CBR4: variants seen among roughly 807,000 people sequenced by gnomAD.
The protein encoded by CBR4 is carbonyl reductase 4, also known as 3-oxoacyl-[acyl-carrier-protein] reductase.
CBR4 carries 22 observed loss-of-function variants against 21.0 expected under a neutral mutation model. The observed-to-expected ratio is 1.05, with a 90% CI of 0.75 to 1.50. The LOEUF is 1.50. Ranked by LOEUF, CBR4 falls within the 40% of genes most tolerant of loss-of-function variation. The probability of loss-of-function intolerance (pLI) is 0.00; values close to 1 mark genes in which losing one functional copy is unlikely to be tolerated. For missense variants in CBR4, 302 were observed against 286.3 expected (o/e 1.05, Z -0.40); for synonymous variants, 100 against 104.4 (o/e 0.96, Z 0.26).
intron 4 of CBR4, among the ~76,000 whole-genome samples, chr4:169,001,016 G>A (rs748389722): frequency 2.6e-5 from 4 of 151,760 alleles, no homozygotes; most frequent in East Asian, 1.9e-4. Context: ...ACAGGGTCTC[G>A]CTCTGTCACC....
chr4:168,979,684 C>T (rs1412267818), intron 2 of CBR4, among the ~76,000 whole-genome samples: 2 of 152,104 alleles, frequency 1.3e-5, no homozygotes, highest in Non-Finnish European at 2.9e-5. Flanking sequence ...CCCTATGAGC[C>T]CCCACCGCCT....
intron 2 of CBR4, among the ~76,000 whole-genome samples, chr4:168,910,445 T>C (rs1758695264): frequency 6.6e-6 from 1 of 152,130 alleles, no homozygotes; most frequent in South Asian, 2.1e-4. Flanking sequence ...GCCAAAGGTA[T>C]TTTGTTTTTC....
chr4:168,928,000 CCATATATTT>C (rs1762771352), intron 2 of CBR4: 1 of 194,856 alleles, frequency 5.1e-6, no homozygotes, highest in Non-Finnish European at 1.1e-5. Context: ...GTGTACCACC[CCATATATTT>C]CATATTACTG....
At chr4:168,917,245 T>C (rs1270560419) in intron 2 of CBR4, among the ~76,000 whole-genome samples, 1 of 151,748 alleles carries the variant, frequency 6.6e-6, no homozygotes, top group Non-Finnish European at 1.5e-5. Flanking sequence ...AGACGGGGTT[T>C]CACCATATTG....
At chr4:168,975,223 G>A (rs543907757) in intron 2 of CBR4, among the ~76,000 whole-genome samples, 1 of 152,300 alleles carries the variant, frequency 6.6e-6, no homozygotes, top group South Asian at 2.1e-4. Context: ...GGCTGGCAAT[G>A]GGGAATGTCT....
chr4:168,984,096 T>C (rs1764616627), downstream of CBR4, among the ~76,000 whole-genome samples: 1 of 152,020 alleles, frequency 6.6e-6, no homozygotes, highest in Non-Finnish European at 1.5e-5. Flanking sequence ...TGCATTCAAA[T>C]AGGAAGAGGG....
chr4:168,941,428 T>C (rs1002633005), intron 2 of CBR4, among the ~76,000 whole-genome samples: 1 of 152,070 alleles, frequency 6.6e-6, no homozygotes, highest in African/African-American at 2.4e-5. Flanking sequence ...ATACATCACA[T>C]TGACAAAATA....
intron 2 of CBR4, among the ~76,000 whole-genome samples, chr4:168,936,328 A>G (rs1824270): frequency 2.6e-5 from 4 of 152,022 alleles, no homozygotes; most frequent in African/African-American, 9.7e-5. Context: ...GATGGGGAGA[A>G]ACCAATGCAA....
downstream of CBR4, among the ~76,000 whole-genome samples, chr4:168,984,498 T>C (rs13434964): frequency 0.044 from 1,735 of 39,714 alleles, 49 homozygotes; most frequent in African/African-American, 0.063. Context: ...AATTTACAGA[T>C]TCAATGCTAT....
rs1431564976 is a variant in CBR4 at position 169,010,020 on chromosome 4, G to A, written c.70C>T (p.Arg24Trp). Residue 24 changes from arginine (R) to tryptophan (W), a missense_variant, in exon 1 of 5, where the codon CGG (arginine) becomes TGG (tryptophan). Physicochemically the swap from Arg to Trp is moderately radical, Grantham distance 101. Transcript: ENST00000306193. ...IGRAVAQLMA[R>W]KGYRLAVIAR... is the part of the protein sequence containing the mutation. The stretch of plus-strand genomic sequence containing the variant: ...ATGACCGCCAGTCGGTAGCCTTTCC[G>A]GGCCATTAACTGGGCCACAGCTCTG... 6.2e-7 allele frequency: 1 copy of A among 1,613,774 alleles called. No homozygotes were observed.
At chr4:168,896,434 T>G (rs1755187493) in intron 2 of CBR4, 4 of 693,504 alleles carry the variant, frequency 5.8e-6, no homozygotes, top group Non-Finnish European at 1.0e-5. Flanking sequence ...ACAGCACCGT[T>G]ACTACCAAAC....
chr4:168,925,498 C>T (rs1762400071), intron 2 of CBR4: 17 of 541,376 alleles, frequency 3.1e-5, no homozygotes, highest in Middle Eastern at 4.7e-4. Context: ...GCACTCTAAA[C>T]GTGTGTTCCA....
intron 2 of CBR4, among the ~76,000 whole-genome samples, chr4:168,957,659 GC>G (rs1763725697): frequency 6.6e-6 from 1 of 152,132 alleles, no homozygotes; most frequent in Admixed American, 6.6e-5. Context: ...CTGTTGTTCT[GC>G]TTTCTGCTAT....
At chr4:168,971,709 G>A (rs1190387954) in intron 2 of CBR4, among the ~76,000 whole-genome samples, 1 of 152,046 alleles carries the variant, frequency 6.6e-6, no homozygotes, top group Non-Finnish European at 1.5e-5. Context: ...TTTGTCAGAT[G>A]GATAGTTTCT....
Position 168,898,587 on chromosome 4 carries a change from A to G in CBR4, n.170-3822T>C. ...GTGGATGAATCAGGTGATGAAGTTC[A>G]GTATGGAGATGTGCCTGTGGAAAAT... On this transcript the variant is annotated intron_variant and non_coding_transcript_variant, in intron 2 of 3. Transcript: ENST00000509108. 6.2e-7 allele frequency: 1 copy of G among 1,613,620 alleles called. No homozygotes were observed. The highest frequency in any genetic ancestry group is 8.5e-7 in the Non-Finnish European group (1 of 1,179,476).
intron 1 of CBR4, chr4:169,009,128 T>G (rs570552964): frequency 2.3e-6 from 1 of 431,480 alleles, no homozygotes. Context: ...TAGGCCTCTA[T>G]TCTCCCCATG....
chr4:169,007,782 T>A (rs775681506), intron 1 of CBR4, 26 bp from the exon 2 acceptor site: 12 of 1,525,586 alleles, frequency 7.9e-6, no homozygotes, highest in South Asian at 2.4e-5. Context: ...AAATAAGAAT[T>A]ACTTATAACT....
Position 169,010,024 on chromosome 4 carries a change from C to T in CBR4, c.66G>A (p.Met22Ile), listed in dbSNP as rs1194241069. The T allele has an allele frequency of 1.2e-6, 2 of 1,613,822 alleles. No individual in the cohort carries two copies. The highest frequency in any genetic ancestry group is 1.7e-6 in the Non-Finnish European group (2 of 1,179,996). The change falls in exon 1 of 5, where the codon ATG becomes ATA. Residue 22 changes from methionine to isoleucine, a missense_variant. Coordinates refer to ENST00000306193, the MANE Select transcript of CBR4 (RefSeq NM_032783.5). ...CCGCCAGTCGGTAGCCTTTCCGGGC[C>T]ATTAACTGGGCCACAGCTCTGCCAA... The part of the protein sequence containing the change: ...RGIGRAVAQL[M>I]ARKGYRLAVI...
At chr4:168,920,337 A>G (rs2126451635) in intron 2 of CBR4, among the ~76,000 whole-genome samples, 1 of 152,328 alleles carries the variant, frequency 6.6e-6, no homozygotes, top group African/African-American at 2.4e-5. Context: ...GCCCTTTGCT[A>G]CATGTGTGGT....
Sources: allele counts gnomAD v4.1 joint callset (sites outside exome capture counted in the v4.1 genomes callset), GRCh38; gene constraint gnomAD v4.1.1; transcripts MANE v1.5; gene names NCBI Gene and HGNC (gene_info 2026-07-23, HGNC 2026-07-21).